Variants in LDB3 observed in about 807,000 individuals in gnomAD.
LDB3 encodes LIM domain-binding protein 3.
A neutral mutation model predicts 69.0 loss-of-function variants in LDB3; 49 were observed. The observed-to-expected ratio is 0.71, with a 90% confidence interval of 0.56 to 0.90. The LOEUF (loss-of-function observed/expected upper bound fraction) is 0.90. LDB3 is among the 40% of genes least tolerant of loss of function. LDB3 has a pLI of 0.00. For synonymous variants in LDB3, 387 were observed against 396.2 expected (o/e 0.98, Z 0.28); for missense variants, 928 against 974.1 (o/e 0.95, Z 0.63).
Position 86,734,907 on chromosome 10 carries a change from A to G in LDB3, c.*1931A>G, listed in dbSNP as rs555264817. 6.6e-6 allele frequency: 1 copy of G among 152,200 alleles called. No individual in the cohort carries two copies. The highest frequency in any genetic ancestry group is 2.1e-4 in the South Asian group (1 of 4,816). 9.4% of individuals were successfully genotyped at this position (152,200 alleles called of 1,614,324 possible). A position where few individuals can be genotyped will look rare whatever the true frequency, so the allele number is the denominator to read the frequency against. Reference sequence around the variant, plus strand: ...TTGGAAAGTTCAAATATGCAGGGACAAGGAGGTTGCTGACTGTACTGACAG... The same window carrying G: ...TTGGAAAGTTCAAATATGCAGGGACGAGGAGGTTGCTGACTGTACTGACAG... On this transcript the variant is annotated 3_prime_UTR_variant, in exon 14 of 14. Coordinates refer to ENST00000361373, the MANE Select transcript of LDB3 (RefSeq NM_007078.3).
chr10:86,730,526 T>C (rs568629562), intron 13 of LDB3, among the ~76,000 whole-genome samples: 5 of 152,306 alleles, frequency 3.3e-5, no homozygotes, highest in African/African-American at 9.6e-5. Flanking sequence ...CAATTTCAAG[T>C]AAACACAGTC....
chr10:86,695,448 C>T (rs1199068860), intron 7 of LDB3, among the ~76,000 whole-genome samples: 1 of 152,206 alleles, frequency 6.6e-6, no homozygotes, highest in African/African-American at 2.4e-5. Flanking sequence ...TAGCCCAAGA[C>T]AGAGTCTAAT....
chr10:86,697,037 G>A (rs1411316928), intron 7 of LDB3, among the ~76,000 whole-genome samples: 1 of 152,168 alleles, frequency 6.6e-6, no homozygotes, highest in Non-Finnish European at 1.5e-5. Flanking sequence ...TCAAGGGGTA[G>A]AGAGAGACAG....
intron 2 of LDB3, among the ~76,000 whole-genome samples, chr10:86,672,373 G>T (rs1391867399): frequency 6.6e-6 from 1 of 152,232 alleles, no homozygotes; most frequent in Admixed American, 6.5e-5. Context: ...TTCGGTTCCA[G>T]TATTTATCAG....
rs1363552021 is a variant in LDB3, at chr10:86,709,154, CA to C, written c.1086-750del. 2.6e-5 allele frequency among the ~76,000 whole-genome samples: 4 copies of C among 152,344 alleles called. No homozygotes were observed. In the East Asian group the frequency reaches 7.7e-4, roughly 29 times the overall value. On this transcript the variant is annotated intron_variant, in intron 8 of 13. Transcript: ENST00000361373. ...GGAACACTGATCAGACAAGGCTCAACAGGCCGCTGGATTCCAGGAGTTCTCA... is the reference window on the plus strand; with the variant it reads ...GGAACACTGATCAGACAAGGCTCAACGGCCGCTGGATTCCAGGAGTTCTCA...
intron 2 of LDB3, among the ~76,000 whole-genome samples, chr10:86,676,614 C>T (rs1844810182): frequency 6.6e-6 from 1 of 151,628 alleles, no homozygotes; most frequent in East Asian, 1.9e-4. Context: ...CACCACAGCC[C>T]CTAGGGCTGA....
intron 5 of LDB3, chr10:86,685,707 A>G (rs776327220): frequency 6.2e-7 from 1 of 1,614,150 alleles, no homozygotes; most frequent in Non-Finnish European, 8.5e-7. Context: ...CCAAGTTAGT[A>G]TCAAAGGACA....
Position 86,706,640 on chromosome 10 carries a change from CT to C in LDB3, c.1007del (p.Leu336ArgfsTer156), listed in dbSNP as rs753674222. On this transcript the variant is annotated frameshift_variant, in exon 8 of 14. Transcript: ENST00000361373. LOFTEE classifies it high-confidence loss of function. ...CTCTCCCAGTGCGGCTTCGCCACCC[CT>C]GGCCACAGCTGCTGCCCACACTGCC... ...AASPSAASPPLATAAAHTAIA... is the reference protein window; with the variant it reads ...AASPSAASPPXATAAAHTAIA... 5 of 1,613,180 alleles carry C rather than the reference CT, an allele frequency of 3.1e-6. No homozygotes were observed. The highest frequency in any genetic ancestry group is 3.4e-6 in the Non-Finnish European group (4 of 1,179,932).
At chr10:86,680,054 C>T (rs377673279) in intron 3 of LDB3, 28 bp from the exon 4 acceptor site, 3 of 1,607,854 alleles carry the variant, frequency 1.9e-6, no homozygotes, top group Non-Finnish European at 2.6e-6. Flanking sequence ...GCAACTTCCT[C>T]ACCTGGTCTC....
At position 86,733,421 on chromosome 10, in the gene LDB3, T is replaced by G; in HGVS notation, c.*445T>G. 4.4e-6 allele frequency: 1 copy of G among 225,856 alleles called. No homozygotes were observed. The highest frequency in any genetic ancestry group is 8.8e-6 in the Non-Finnish European group (1 of 113,434). The allele number at this position is 225,856 out of a possible 1,614,324, so 14.0% of individuals were successfully genotyped here. On this transcript the variant is annotated 3_prime_UTR_variant, in exon 14 of 14. Transcript: ENST00000361373. The stretch of plus-strand genomic sequence containing the variant: ...AAACAGCACTCGCTGCAGGGTATTT[T>G]TAGAGTCATAGCTGAGAGCTTGTTA...
chr10:86,717,087 G>A (rs956775333), intron 10 of LDB3, among the ~76,000 whole-genome samples: 3 of 152,204 alleles, frequency 2.0e-5, no homozygotes, highest in African/African-American at 7.2e-5. Flanking sequence ...TTGTCAGTAG[G>A]TTTACAGGGC....
intron 2 of LDB3, among the ~76,000 whole-genome samples, chr10:86,676,377 A>G (rs1391301478): frequency 6.6e-6 from 1 of 152,140 alleles, no homozygotes; most frequent in African/African-American, 2.4e-5. Flanking sequence ...AGCCTGGCCA[A>G]CATGGTAAAA....
chr10:86,668,551 G>A lies in LDB3; in HGVS notation c.-43G>A, dbSNP rs1844273155. On this transcript the variant is annotated 5_prime_UTR_variant, in exon 1 of 14. Coordinates refer to ENST00000361373, the MANE Select transcript of LDB3 (RefSeq NM_007078.3). ...TCAAGAGCTCCACGCAGCCCGGCTGGGCAGCAAGGGACAGAACAGGCAAGG... is the reference window on the plus strand; with the variant it reads ...TCAAGAGCTCCACGCAGCCCGGCTGAGCAGCAAGGGACAGAACAGGCAAGG... 4.0e-6 allele frequency: 3 copies of A among 747,728 alleles called. No individual in the cohort carries two copies. The highest frequency in any genetic ancestry group is 2.8e-5 in the South Asian group (2 of 70,438). The allele number at this position is 747,728 out of a possible 1,614,324, so 46.3% of individuals were successfully genotyped here.
Position 86,699,243 on chromosome 10 carries a change from C to CA in LDB3, c.896+6672_896+6673insA, listed in dbSNP as rs762092067. ...TCTTTCTGTCTCTGTCTCTGTTTCT[C>CA]TCTCTCTCTCTCTCTCTCTCTCTCT... On this transcript the variant is annotated intron_variant, in intron 7 of 13. Coordinates refer to ENST00000361373, the MANE Select transcript of LDB3 (RefSeq NM_007078.3). This position sits in a 1 kb window ranked among gnomAD's most constrained non-coding sequence, Gnocchi z 4.9. The CA allele has an allele frequency of 6.5e-6, 1 of 154,652 alleles. No individual in the cohort carries two copies. The highest frequency in any genetic ancestry group is 1.4e-4 in the Admixed American group (1 of 7,240). 9.6% of individuals were successfully genotyped at this position (154,652 alleles called of 1,614,324 possible).
chr10:86,734,182 T>C lies in LDB3; in HGVS notation c.*1206T>C, dbSNP rs554922730. On this transcript the variant is annotated 3_prime_UTR_variant, in exon 14 of 14. Coordinates refer to ENST00000361373, the MANE Select transcript of LDB3 (RefSeq NM_007078.3). ...TAACTGCTGGAAGGGACAGATGCACTGATATATATGCATTTGCTGTTTTGG... is the reference window on the plus strand; with the variant it reads ...TAACTGCTGGAAGGGACAGATGCACCGATATATATGCATTTGCTGTTTTGG... 3.3e-4 allele frequency: 50 copies of C among 152,324 alleles called. No individual in the cohort carries two copies. Among genetic ancestry groups the C allele is most frequent in the African/African-American group, 1.2e-3 (50 of 41,566 alleles). 9.4% of individuals were successfully genotyped at this position (152,324 alleles called of 1,614,324 possible). A position where few individuals can be genotyped will look rare whatever the true frequency, so the allele number is the denominator to read the frequency against.
intron 6 of LDB3, 36 bp downstream of exon 6, chr10:86,692,101 G>C: frequency 6.2e-7 from 1 of 1,611,968 alleles, no homozygotes; most frequent in South Asian, 1.1e-5. Context: ...GCAGAGGAGG[G>C]AGATGCTGAG....
chr10:86,700,004 T>C, intron 7 of LDB3: 1 of 987,858 alleles, frequency 1.0e-6, no homozygotes, highest in Non-Finnish European at 1.2e-6. Flanking sequence ...CTTCTGTACA[T>C]ATAAGCATGC....
chr10:86,726,460 T>C (rs544379785), intron 13 of LDB3: 5 of 605,752 alleles, frequency 8.3e-6, no homozygotes, highest in Non-Finnish European at 1.5e-5. Context: ...AATGTGGCTT[T>C]GTTACTTTCC....
intron 13 of LDB3, among the ~76,000 whole-genome samples, chr10:86,731,984 A>C (rs899817026): frequency 2.1e-5 from 3 of 144,662 alleles, no homozygotes; most frequent in Admixed American, 6.8e-5. Context: ...TTTTTTAACT[A>C]ATTTTCTTTT....
Sources: gnomAD v4.1 joint callset for allele counts (sites outside exome capture counted in the v4.1 genomes callset) on GRCh38, gnomAD v4.1.1 for gene constraint, Gnocchi (gnomAD v3.1) non-coding constraint, MANE v1.5 for transcripts, NCBI Gene and HGNC (gene_info 2026-07-23, HGNC 2026-07-21) for gene names.